Variants in LRP1B observed in about 807,000 individuals in gnomAD.
LRP1B encodes the protein LDL receptor related protein 1B, also known as low-density lipoprotein receptor-related protein 1B.
LRP1B carries 217 observed loss-of-function variants against 556.6 expected under a neutral mutation model. That is an observed-to-expected ratio of 0.39 (90% confidence interval 0.35 to 0.44). LRP1B has a LOEUF of 0.44. Among genes scored for constraint, LRP1B ranks in the 20% least tolerant of loss-of-function variants. LRP1B has a pLI of 1.00. For synonymous variants in LRP1B, 2,047 were observed against 1,865.8 expected (o/e 1.10, Z -2.50); for missense variants, 5,053 against 5,620.8 (o/e 0.90, Z 3.23).
At chr2:140,599,037 C>A (rs1390829742) in intron 42 of LRP1B, among the ~76,000 whole-genome samples, 1 of 151,972 alleles carries the variant, frequency 6.6e-6, no homozygotes, top group Non-Finnish European at 1.5e-5. Flanking sequence ...TAAATGAAAC[C>A]TAGAACCTAC....
intron 1 of LRP1B, among the ~76,000 whole-genome samples, chr2:142,083,739 AG>A (rs1234597406): frequency 1.3e-5 from 2 of 152,216 alleles, no homozygotes; most frequent in African/African-American, 4.8e-5. Context: ...TCATTTCATT[AG>A]GAAGTTTTGC....
intron 7 of LRP1B, among the ~76,000 whole-genome samples, chr2:141,090,555 A>C (rs1438453092): frequency 6.6e-6 from 1 of 152,214 alleles, no homozygotes; most frequent in East Asian, 1.9e-4. Flanking sequence ...CAACAGTTTC[A>C]ACATTCTACA....
chr2:141,816,169 T>C (rs557241742), intron 1 of LRP1B, among the ~76,000 whole-genome samples: 1 of 152,166 alleles, frequency 6.6e-6, no homozygotes, highest in Non-Finnish European at 1.5e-5. Context: ...TGGGAAAATA[T>C]GCAAACCAAC....
At chr2:141,274,066 GTGT>G (rs1413136651) in intron 3 of LRP1B, among the ~76,000 whole-genome samples, 2 of 152,134 alleles carry the variant, frequency 1.3e-5, no homozygotes, top group African/African-American at 4.8e-5. Flanking sequence ...ACAATAACAA[GTGT>G]TGGTGAGGAT....
intron 47 of LRP1B, among the ~76,000 whole-genome samples, chr2:140,532,700 G>C (rs1272462943): frequency 1.3e-5 from 2 of 151,714 alleles, no homozygotes; most frequent in Non-Finnish European, 2.9e-5. Flanking sequence ...TGGCCCTTCT[G>C]TTTTTACCAC....
intron 1 of LRP1B, among the ~76,000 whole-genome samples, chr2:142,021,187 A>G (rs186422042): frequency 1.8e-4 from 28 of 152,318 alleles, no homozygotes; most frequent in South Asian, 4.1e-4. Flanking sequence ...ATTCATAAGC[A>G]ATGAAAATTA....
At chr2:141,027,956 C>T (rs969741610) in intron 11 of LRP1B, among the ~76,000 whole-genome samples, 1 of 152,020 alleles carries the variant, frequency 6.6e-6, no homozygotes, top group Non-Finnish European at 1.5e-5. Flanking sequence ...GACTTCTATG[C>T]TCCAGAATTG....
chr2:140,930,766 C>T (rs1182096591), intron 20 of LRP1B, among the ~76,000 whole-genome samples: 1 of 152,036 alleles, frequency 6.6e-6, no homozygotes, highest in Non-Finnish European at 1.5e-5. Context: ...TTATAATCAC[C>T]ATGTGTCAGT....
intron 84 of LRP1B, among the ~76,000 whole-genome samples, chr2:140,291,655 C>G (rs183127467): frequency 1.1e-4 from 16 of 152,136 alleles, no homozygotes; most frequent in Admixed American, 3.9e-4. Flanking sequence ...CTTTCTATGG[C>G]TGCATAGTAT....
chr2:141,579,289 G>C (rs1686870698), intron 2 of LRP1B, among the ~76,000 whole-genome samples: 1 of 152,126 alleles, frequency 6.6e-6, no homozygotes, highest in Non-Finnish European at 1.5e-5. Context: ...TCATTCTCTA[G>C]AGACAGGTGC....
At chr2:140,658,752 C>T (rs1262267286) in intron 41 of LRP1B, among the ~76,000 whole-genome samples, 1 of 151,886 alleles carries the variant, frequency 6.6e-6, no homozygotes, top group African/African-American at 2.4e-5. Flanking sequence ...GGGTTCTTTG[C>T]GGGTTCTGTA....
chr2:140,442,419 A>G (rs1686469501), intron 66 of LRP1B, 85 bp downstream of exon 66: 2 of 1,502,762 alleles, frequency 1.3e-6, no homozygotes, highest in Admixed American at 2.1e-5. Flanking sequence ...CTTCAAAAGA[A>G]TTGTGTTCAA....
At chr2:141,806,946 C>T (rs12612082) in intron 2 of LRP1B, among the ~76,000 whole-genome samples, 29,087 of 151,898 alleles carry the variant, frequency 0.19, 3,246 homozygotes, top group East Asian at 0.39. Context: ...ACTATTGCAT[C>T]GGCTGTTTTT....
chr2:140,354,312 A>T (rs1359539200), intron 75 of LRP1B, among the ~76,000 whole-genome samples: 4 of 152,106 alleles, frequency 2.6e-5, no homozygotes, highest in Non-Finnish European at 5.9e-5. Context: ...ACACTTGTAA[A>T]TCACAACGTC....
At chr2:141,987,870 T>C (rs565494693) in intron 1 of LRP1B, among the ~76,000 whole-genome samples, 10 of 145,072 alleles carry the variant, frequency 6.9e-5, no homozygotes, top group Admixed American at 4.3e-4. Context: ...ACCCTTCTAA[T>C]CTTAGTAAAC....
intron 35 of LRP1B, 86 bp from the exon 36 acceptor site, chr2:140,716,902 T>A: frequency 4.8e-6 from 3 of 626,356 alleles, no homozygotes; most frequent in Non-Finnish European, 7.7e-6. Flanking sequence ...TGCAACAGTA[T>A]CTTTTAGGAT....
Position 140,777,310 on chromosome 2 carries a change from G to GT in LRP1B, c.5360-1073dup, listed in dbSNP as rs1689532564. Among the ~76,000 whole-genome samples the GT allele has an allele frequency of 2.0e-5, 3 of 152,282 alleles. No individual in the cohort carries two copies. In the South Asian group the frequency reaches 6.2e-4, roughly 32 times the overall value. ...ACAGAGGGCTGACAGCTGATAAAAA[G>GT]TGTCAAATAACTAGCCACAGCTCTT... On this transcript the variant is annotated intron_variant, in intron 32 of 90. Transcript: ENST00000389484.
chr2:141,660,526 T>C (rs1180924370), intron 2 of LRP1B, among the ~76,000 whole-genome samples: 15 of 152,006 alleles, frequency 9.9e-5, no homozygotes, highest in Non-Finnish European at 2.9e-5. Flanking sequence ...CCAGGAAGAA[T>C]TCCCCAGGGT....
chr2:141,456,234 A>C (rs986285360), intron 3 of LRP1B, among the ~76,000 whole-genome samples: 1 of 152,028 alleles, frequency 6.6e-6, no homozygotes, highest in Non-Finnish European at 1.5e-5. Context: ...TTTTTCTTTT[A>C]AACTGCTGTC....
Sources: gnomAD v4.1 joint callset for allele counts (sites outside exome capture counted in the v4.1 genomes callset) on GRCh38, gnomAD v4.1.1 for gene constraint, MANE v1.5 for transcripts, NCBI Gene and HGNC (gene_info 2026-07-23, HGNC 2026-07-21) for gene names.